The following TMEM126B variants were observed in gnomAD, a reference collection of about 807,000 sequenced individuals.
TMEM126B encodes complex I assembly factor TMEM126B, mitochondrial.
In TMEM126B, 19 loss-of-function variants were observed where a neutral mutation model predicts 16.5. The observed-to-expected ratio is 1.15, with a 90% CI of 0.80 to 1.69. The LOEUF (loss-of-function observed/expected upper bound fraction) is 1.69. Among genes scored for constraint, TMEM126B ranks in the 40% most tolerant of loss-of-function variants. The probability of loss-of-function intolerance (pLI) is 0.00; values close to 1 mark genes in which losing one functional copy is unlikely to be tolerated. For synonymous variants in TMEM126B, 104 were observed against 93.2 expected (o/e 1.12, Z -0.67); for missense variants, 293 against 278.7 (o/e 1.05, Z -0.37).
chr11:85,628,666 T>C lies in TMEM126B; in HGVS notation c.59T>C (p.Val20Ala). The change falls in exon 1 of 5, where the codon GTG becomes GCG. Residue 20 changes from valine to alanine, a missense_variant. Coordinates refer to ENST00000358867, the MANE Select transcript of TMEM126B (RefSeq NM_018480.7). ...CCAAGGGATTCAGGTGTGGTGCCGG[T>C]GGGAACTGAGGAAGCGCCCAAGGTA... ...TKPRDSGVVPVGTEEAPKVFK... is the reference protein window; with the variant it reads ...TKPRDSGVVPAGTEEAPKVFK... 1.3e-6 allele frequency: 2 copies of C among 1,536,118 alleles called. No individual in the cohort carries two copies. The highest frequency in any genetic ancestry group is 8.7e-7 in the Non-Finnish European group (1 of 1,146,884).
In TMEM126B at chr11:85,634,235, C is replaced by T; in HGVS notation, c.353C>T (p.Thr118Ile). The T allele has an allele frequency of 1.9e-6, 3 of 1,613,602 alleles. No homozygotes were observed. The highest frequency in any genetic ancestry group is 2.5e-6 in the Non-Finnish European group (3 of 1,179,842). The change falls in exon 3 of 5, where the codon ACT (threonine) becomes ATT (isoleucine). Residue 118 changes from threonine (T) to isoleucine (I), a missense_variant. By Grantham distance (89) the Thr-to-Ile change is moderately conservative (BLOSUM62 -1). Transcript: ENST00000358867. ...ASLATLPFLS[T>I]VVTDKLFVID... Reference sequence around the variant, plus strand: ...TTGGCTACACTTCCATTTTTGTCTACTGTTGTTACTGACAAGCTTTTTGTA... The same window carrying T: ...TTGGCTACACTTCCATTTTTGTCTATTGTTGTTACTGACAAGCTTTTTGTA...
chr11:85,636,206 G>A lies in TMEM126B; in HGVS notation c.670G>A (p.Glu224Lys), dbSNP rs751153059. 5.8e-6 allele frequency: 9 copies of A among 1,543,488 alleles called. No individual in the cohort carries two copies. In the South Asian group the frequency reaches 1.0e-4, roughly 17 times the overall value. Reference sequence around the variant, plus strand: ...TTATGCAGTATTTGAAGAGACACTTGAGAAAACTATACATGAAGAGTAACC... The same window carrying A: ...TTATGCAGTATTTGAAGAGACACTTAAGAAAACTATACATGAAGAGTAACC... ...YHYAVFEETL[E>K]KTIHEE The change falls in exon 5 of 5, where the codon GAG becomes AAG. Residue 224 changes from glutamate (E) to lysine (K), a missense_variant. Glu to Lys is a moderately conservative substitution (Grantham distance 56). Transcript: ENST00000358867.
rs778819979 is a variant in TMEM126B, at chr11:85,636,330, G to C, written c.*101G>C. ...AAAAGTAACTGTGAACAAATAATTT[G>C]TTCTGTGCCTTTTGCCTGGTATATA... is the stretch of plus-strand genomic sequence containing the variant. On this transcript the variant is annotated 3_prime_UTR_variant, in exon 5 of 5. Transcript: ENST00000358867. 23 of 858,164 alleles carry C rather than the reference G, an allele frequency of 2.7e-5. No homozygotes were observed. Among genetic ancestry groups the C allele is most frequent in the Non-Finnish European group, 3.6e-5 (22 of 605,372 alleles). 53.2% of individuals were successfully genotyped at this position (858,164 alleles called of 1,614,324 possible). A position where few individuals can be genotyped will look rare whatever the true frequency, so the allele number is the denominator to read the frequency against.
chr11:85,628,643 A>G lies in TMEM126B; in HGVS notation c.36A>G (p.Pro12=), dbSNP rs2082142010. The change falls in exon 1 of 5, where the codon CCA becomes CCG. Residue 12 remains proline, a synonymous_variant. Coordinates refer to ENST00000358867, the MANE Select transcript of TMEM126B (RefSeq NM_018480.7). The part of the protein sequence containing the change: ...VVFGYEAGTK[P]RDSGVVPVGT... ...TCGGGTATGAGGCTGGGACTAAGCC[A>G]AGGGATTCAGGTGTGGTGCCGGTGG... 6.5e-7 allele frequency: 1 copy of G among 1,536,166 alleles called. No homozygotes were observed. The highest frequency in any genetic ancestry group is 1.2e-5 in the South Asian group (1 of 84,068).
chr11:85,631,450 T>C (rs1055162940), intron 1 of TMEM126B: 8 of 834,564 alleles, frequency 9.6e-6, no homozygotes, highest in African/African-American at 7.1e-5. Context: ...AATGTCTGTA[T>C]TGTAGGATGT....
At position 85,635,713 on chromosome 11, in the gene TMEM126B, CAT is replaced by C. The variant is rs2082385715; in HGVS notation, c.446_447del (p.Ile149SerfsTer14). 1 of 1,609,206 alleles carries C rather than the reference CAT, an allele frequency of 6.2e-7. No homozygotes were observed. Among genetic ancestry groups the C allele is most frequent in the Non-Finnish European group, 8.5e-7 (1 of 1,178,932 alleles). ...GTGTTTTCAGAAGCTCACTGATTGG[CAT>C]AGTTTGTGGTGTTTTCTATCCCAGT... Reference protein sequence around the residue: ...NCVFRSSLIGIVCGVFYPSSL... With the variant: ...NCVFRSSLIGXVCGVFYPSSL... On this transcript the variant is annotated frameshift_variant, in exon 4 of 5. Coordinates refer to ENST00000358867, the MANE Select transcript of TMEM126B (RefSeq NM_018480.7). LOFTEE classifies it high-confidence loss of function.
chr11:85,629,961 C>T (rs1378871205), intron 1 of TMEM126B, among the ~76,000 whole-genome samples: 1 of 152,158 alleles, frequency 6.6e-6, no homozygotes, highest in African/African-American at 2.4e-5. Flanking sequence ...TCCATTATTA[C>T]TCATTGTGTA....
chr11:85,629,288 TTTA>T (rs931099189), intron 1 of TMEM126B: 21 of 1,240,890 alleles, frequency 1.7e-5, no homozygotes, highest in Admixed American at 1.2e-4. Flanking sequence ...AGGTGAAAAA[TTTA>T]TTATTAGGTA....
rs1014516038 is a variant in TMEM126B, at chr11:85,636,384, C to A, written c.*155C>A. The A allele has an allele frequency of 4.3e-6, 2 of 460,696 alleles. No homozygotes were observed. The highest frequency in any genetic ancestry group is 4.0e-5 in the Admixed American group (1 of 25,114). The allele number at this position is 460,696 out of a possible 1,614,324, so 28.5% of individuals were successfully genotyped here. A position where few individuals can be genotyped will look rare whatever the true frequency, so the allele number is the denominator to read the frequency against. On this transcript the variant is annotated 3_prime_UTR_variant, in exon 5 of 5. Transcript: ENST00000358867. Reference sequence around the variant, plus strand: ...AATACTCAAAAAGTATTCAATAATTCAATCAATAAATATAAGTTTCATCTT... The same window carrying A: ...AATACTCAAAAAGTATTCAATAATTAAATCAATAAATATAAGTTTCATCTT...
At position 85,636,224 on chromosome 11, in the gene TMEM126B, G is replaced by A. The variant is rs146322392; in HGVS notation, c.688G>A (p.Glu230Lys). Residue 230 changes from glutamate (E) to lysine (K), a missense_variant, in exon 5 of 5, where the codon GAG (glutamate) becomes AAG (lysine). Glu to Lys is a moderately conservative substitution (Grantham distance 56). Transcript: ENST00000358867. ...GACACTTGAGAAAACTATACATGAA[G>A]AGTAACCAAAAAAATGAATGGTTGC... ...EETLEKTIHE[E>K] 2.1e-4 allele frequency: 312 copies of A among 1,495,660 alleles called. No homozygotes were observed. In the African/African-American group the frequency reaches 3.9e-3, roughly 19 times the overall value. 92.6% of individuals were successfully genotyped at this position (1,495,660 alleles called of 1,614,324 possible).
rs772555902 is a variant in TMEM126B, at chr11:85,631,649, A to G, written c.82-38A>G. 3 of 1,580,098 alleles carry G rather than the reference A, an allele frequency of 1.9e-6. No homozygotes were observed. In the South Asian group the frequency reaches 3.5e-5, roughly 18 times the overall value. ...CTGTAAGGTTTTATGTAATATGAAT[A>G]TCATTAGCTATTATGGCTCTGGAAT... On this transcript the variant is annotated intron_variant, in intron 1 of 4. Transcript: ENST00000358867.
chr11:85,629,877 C>T (rs2082240123), intron 1 of TMEM126B, among the ~76,000 whole-genome samples: 2 of 151,810 alleles, frequency 1.3e-5, no homozygotes, highest in South Asian at 4.1e-4. Context: ...ACCTTTTTTT[C>T]CCCCTGCCCT....
chr11:85,635,754 C>T lies in TMEM126B; in HGVS notation c.485C>T (p.Thr162Ile). 6.3e-7 allele frequency: 1 copy of T among 1,595,568 alleles called. No homozygotes were observed. Among genetic ancestry groups the T allele is most frequent in the Non-Finnish European group, 8.5e-7 (1 of 1,174,548 alleles). ...GVFYPSSLAF[T>I]KNGRLATKYH... ...TTCTATCCCAGTTCTTTGGCTTTTACTAAAAATGGACGCCTGGCAACCAAG... is the reference window on the plus strand; with the variant it reads ...TTCTATCCCAGTTCTTTGGCTTTTATTAAAAATGGACGCCTGGCAACCAAG... The change falls in exon 4 of 5, where the codon ACT becomes ATT. Residue 162 changes from threonine to isoleucine, a missense_variant. Thr to Ile is a moderately conservative substitution (Grantham distance 89). Coordinates refer to ENST00000358867, the MANE Select transcript of TMEM126B (RefSeq NM_018480.7).
At chr11:85,635,824 T>TTC (rs2082392172) in intron 4 of TMEM126B, 46 bp downstream of exon 4, 1 of 1,111,928 alleles carries the variant, frequency 9.0e-7, no homozygotes, top group East Asian at 2.9e-5. Context: ...TTCTTTTCTT[T>TTC]TTTTTTTTTT....
rs1241886208 is a variant in TMEM126B, at chr11:85,628,725, C to A, written c.81+37C>A. Reference sequence around the variant, plus strand: ...TCCGAAGTGGTATGGGGGGTGATTTCTGCACCTTCAAAGTGTTGGCAGACT... The same window carrying A: ...TCCGAAGTGGTATGGGGGGTGATTTATGCACCTTCAAAGTGTTGGCAGACT... On this transcript the variant is annotated intron_variant, in intron 1 of 4. Transcript: ENST00000358867. 5 of 1,515,824 alleles carry A rather than the reference C, an allele frequency of 3.3e-6. No individual in the cohort carries two copies. The Middle Eastern group carries it at 5.1e-4, about 153-fold the overall frequency. 93.9% of individuals were successfully genotyped at this position (1,515,824 alleles called of 1,614,324 possible).
At chr11:85,635,529 C>A in intron 3 of TMEM126B, 138 bp from the exon 4 acceptor site, 1 of 556,460 alleles carries the variant, frequency 1.8e-6, no homozygotes, top group Non-Finnish European at 3.1e-6. Flanking sequence ...TTATATGCCA[C>A]AGAGTTTGAA....
chr11:85,630,060 T>A (rs1284655653), intron 1 of TMEM126B, among the ~76,000 whole-genome samples: 5 of 152,200 alleles, frequency 3.3e-5, no homozygotes, highest in Non-Finnish European at 7.3e-5. Context: ...ATAGTTAGGA[T>A]TGGTACATAC....
chr11:85,633,908 T>C (rs905089491), intron 2 of TMEM126B, among the ~76,000 whole-genome samples, 178 bp from the exon 3 acceptor site: 1 of 152,186 alleles, frequency 6.6e-6, no homozygotes, highest in African/African-American at 2.4e-5. Context: ...GGTGGGAAAT[T>C]TCTTTTTTTC....
intron 4 of TMEM126B, 80 bp from the exon 5 acceptor site, chr11:85,635,966 A>G: frequency 7.0e-7 from 1 of 1,426,678 alleles, no homozygotes; most frequent in Admixed American, 2.5e-5. Context: ...TAGAAAGGCA[A>G]TTATCAATTT....
Sources: gnomAD v4.1 joint callset for allele counts (sites outside exome capture counted in the v4.1 genomes callset) on GRCh38, gnomAD v4.1.1 for gene constraint, MANE v1.5 for transcripts, NCBI Gene and HGNC (gene_info 2026-07-23, HGNC 2026-07-21) for gene names.